Variants in HS2ST1 observed in about 807,000 individuals in gnomAD.
The protein encoded by HS2ST1 is 2-O-sulfotransferase.
HS2ST1 carries 18 observed loss-of-function variants against 42.9 expected under a neutral mutation model. That is an observed-to-expected ratio of 0.42 (90% CI 0.29 to 0.62). The LOEUF (loss-of-function observed/expected upper bound fraction) is 0.62. HS2ST1 is among the 20% of genes least tolerant of loss of function. The probability of loss-of-function intolerance (pLI) is 0.21; values close to 1 mark genes in which losing one functional copy is unlikely to be tolerated. For missense variants in HS2ST1, 334 were observed against 433.8 expected (o/e 0.77, Z 2.04); for synonymous variants, 146 against 152.9 (o/e 0.95, Z 0.33).
At chr1:87,055,724 T>C (rs1650952344) in intron 1 of HS2ST1, among the ~76,000 whole-genome samples, 1 of 152,196 alleles carries the variant, frequency 6.6e-6, no homozygotes, top group Admixed American at 6.5e-5. Flanking sequence ...AGTTGCCTTT[T>C]TCACTAGTTG....
intron 1 of HS2ST1, among the ~76,000 whole-genome samples, chr1:86,991,430 G>A (rs1648950104): frequency 6.6e-6 from 1 of 152,196 alleles, no homozygotes; most frequent in Non-Finnish European, 1.5e-5. Flanking sequence ...TTACAGGTTG[G>A]TGTTTGCCTT....
rs1660114000 is a variant in HS2ST1, at chr1:86,915,133, A to G, written c.97A>G (p.Lys33Glu). ...GCTCTTCTTGGAAAACCAGATCCAG[A>G]AACTGGAGGAGTCCCGCTCGAAGCT... The part of the protein sequence containing the change: ...AMLFLENQIQ[K>E]LEESRSKLER... Residue 33 changes from lysine to glutamate, a missense_variant, in exon 1 of 7, where the codon AAA (lysine) becomes GAA (glutamate). Transcript: ENST00000370550. The G allele has an allele frequency of 6.2e-7, 1 of 1,613,828 alleles. No homozygotes were observed. The highest frequency in any genetic ancestry group is 8.5e-7 in the Non-Finnish European group (1 of 1,179,896).
chr1:86,918,478 G>A (rs904330620), intron 1 of HS2ST1, among the ~76,000 whole-genome samples: 2 of 151,716 alleles, frequency 1.3e-5, no homozygotes. Flanking sequence ...GTGTGTGTGC[G>A]TGTGTATATA....
intron 1 of HS2ST1, among the ~76,000 whole-genome samples, chr1:86,982,478 C>G (rs186762447): frequency 1.3e-5 from 2 of 152,224 alleles, no homozygotes; most frequent in African/African-American, 4.8e-5. Context: ...TCTTTGTGAA[C>G]AATATGACTG....
At chr1:87,087,004 T>C (rs1452999198) in intron 3 of HS2ST1, among the ~76,000 whole-genome samples, 3 of 152,090 alleles carry the variant, frequency 2.0e-5, no homozygotes, top group Non-Finnish European at 2.9e-5. Flanking sequence ...GCAGGAAATA[T>C]AAAGTTGAGT....
chr1:87,070,245 A>G (rs1255974870), intron 1 of HS2ST1, among the ~76,000 whole-genome samples: 3 of 152,160 alleles, frequency 2.0e-5, no homozygotes, highest in African/African-American at 4.8e-5. Context: ...TAACATTACC[A>G]TAATAGTTTT....
intron 4 of HS2ST1, among the ~76,000 whole-genome samples, chr1:87,096,891 A>G (rs1279248656): frequency 6.6e-6 from 1 of 152,248 alleles, no homozygotes; most frequent in African/African-American, 2.4e-5. Context: ...GCATGGATAT[A>G]TAAGGTTTTA....
At chr1:87,036,271 A>C (rs145914726) in intron 1 of HS2ST1, among the ~76,000 whole-genome samples, 1 of 152,294 alleles carries the variant, frequency 6.6e-6, no homozygotes. Flanking sequence ...ATACATGTGC[A>C]TGTGTCTTTA....
chr1:87,074,777 G>A (rs1174672544), intron 2 of HS2ST1, among the ~76,000 whole-genome samples: 1 of 152,052 alleles, frequency 6.6e-6, no homozygotes, highest in African/African-American at 2.4e-5. Context: ...AAATGTTTGT[G>A]TGGGGCAGCG....
intron 1 of HS2ST1, among the ~76,000 whole-genome samples, chr1:86,948,273 C>T (rs1647394640): frequency 6.6e-6 from 1 of 152,004 alleles, no homozygotes; most frequent in Non-Finnish European, 1.5e-5. Flanking sequence ...GGGCTTTTTT[C>T]ATTAGTTACG....
At chr1:86,999,090 AT>A (rs1649194806) in intron 1 of HS2ST1, among the ~76,000 whole-genome samples, 1 of 152,174 alleles carries the variant, frequency 6.6e-6, no homozygotes, top group African/African-American at 2.4e-5. Context: ...ATACCACAGC[AT>A]GAAAGATCAA....
intron 1 of HS2ST1, among the ~76,000 whole-genome samples, chr1:87,010,412 G>T (rs2100577502): frequency 6.6e-6 from 1 of 152,176 alleles, no homozygotes; most frequent in South Asian, 2.1e-4. Flanking sequence ...AATGTAGAGA[G>T]ATTAGTTTAC....
intron 1 of HS2ST1, among the ~76,000 whole-genome samples, chr1:87,018,740 C>T (rs1009288631): frequency 6.6e-6 from 1 of 152,188 alleles, no homozygotes; most frequent in Non-Finnish European, 1.5e-5. Flanking sequence ...GGTATTCTTT[C>T]TTGGCCATTC....
At chr1:86,947,696 A>G (rs1201282278) in intron 1 of HS2ST1, among the ~76,000 whole-genome samples, 1 of 151,892 alleles carries the variant, frequency 6.6e-6, no homozygotes, top group Non-Finnish European at 1.5e-5. Context: ...AGGTGTATAG[A>G]TAAGAAAGAT....
At chr1:87,020,859 G>A (rs1649924904) in intron 1 of HS2ST1, among the ~76,000 whole-genome samples, 1 of 152,112 alleles carries the variant, frequency 6.6e-6, no homozygotes, top group South Asian at 2.1e-4. Context: ...ATATGAATTG[G>A]GGGTCAGGGA....
rs1652300563 is a variant in HS2ST1, at chr1:87,105,051, A to T, written c.*355A>T. 1 of 206,426 alleles carries T rather than the reference A, an allele frequency of 4.8e-6. No individual in the cohort carries two copies. Among genetic ancestry groups the T allele is most frequent in the African/African-American group, 2.3e-5 (1 of 42,574 alleles). The allele number at this position is 206,426 out of a possible 1,614,324, so 12.8% of individuals were successfully genotyped here. On this transcript the variant is annotated 3_prime_UTR_variant, in exon 7 of 7. Coordinates refer to ENST00000370550, the MANE Select transcript of HS2ST1 (RefSeq NM_012262.4). Reference sequence around the variant, plus strand: ...TTTTGATAAAGCATTTTTTCAACTAACCATGAATTAAGATGAGTCCATTTG... The same window carrying T: ...TTTTGATAAAGCATTTTTTCAACTATCCATGAATTAAGATGAGTCCATTTG...
intron 1 of HS2ST1, chr1:86,958,552 A>G (rs552266913): frequency 6.6e-6 from 1 of 152,352 alleles, no homozygotes; most frequent in East Asian, 1.9e-4. Flanking sequence ...TCAAGGGTCA[A>G]CTACAGTGTT....
At chr1:87,099,178 G>T (rs1400916308) in intron 5 of HS2ST1, among the ~76,000 whole-genome samples, 1 of 152,194 alleles carries the variant, frequency 6.6e-6, no homozygotes, top group African/African-American at 2.4e-5. Flanking sequence ...GCAGAGTTGA[G>T]TAATTGTAAC....
intron 2 of HS2ST1, among the ~76,000 whole-genome samples, chr1:87,074,718 T>C (rs2100636179): frequency 6.6e-6 from 1 of 152,086 alleles, no homozygotes; most frequent in African/African-American, 2.4e-5. Flanking sequence ...GAGAGAAGCA[T>C]AAATGCTATC....
Sources: gnomAD v4.1 joint callset for allele counts (sites outside exome capture counted in the v4.1 genomes callset) on GRCh38, gnomAD v4.1.1 for gene constraint, MANE v1.5 for transcripts, NCBI Gene and HGNC (gene_info 2026-07-23, HGNC 2026-07-21) for gene names.